Variants in TNXB observed in about 807,000 individuals in gnomAD.
The protein encoded by TNXB is tenascin XB, also known as tenascin-X.
TNXB carries 183 observed loss-of-function variants against 340.5 expected under a neutral mutation model. That is an observed-to-expected ratio of 0.54 (90% CI 0.48 to 0.61). The LOEUF is 0.61. TNXB is among the 20% of genes least tolerant of loss of function. The pLI is 0.00. For synonymous variants in TNXB, 2,121 were observed against 2,314.5 expected, an observed-to-expected ratio of 0.92 and a Z score of 2.40; for missense variants, 4,613 against 5,446.4, an observed-to-expected ratio of 0.85 and a Z score of 4.82.
Position 32,046,596 on chromosome 6 carries a change from C to A in TNXB, c.10325-140G>T, listed in dbSNP as rs1776903364. The A allele has an allele frequency of 1.5e-6, 1 of 669,432 alleles. No individual in the cohort carries two copies. Among genetic ancestry groups the A allele is most frequent in the East Asian group, 2.8e-5 (1 of 36,078 alleles). The allele number at this position is 669,432 out of a possible 1,614,324, so 41.5% of individuals were successfully genotyped here. A position where few individuals can be genotyped will look rare whatever the true frequency, so the allele number is the denominator to read the frequency against. On this transcript the variant is annotated intron_variant, in intron 30 of 43. Transcript: ENST00000644971. This position sits in a 1 kb window ranked among gnomAD's most constrained non-coding sequence, Gnocchi z 6.9. Reference sequence around the variant, plus strand: ...ACAGCTCCTTGAGGAGACACACAGGCCTGCTCCCGCCATGCCCCACAGGAA... The same window carrying A: ...ACAGCTCCTTGAGGAGACACACAGGACTGCTCCCGCCATGCCCCACAGGAA...
chr6:32,082,336 G>C lies in TNXB; in HGVS notation c.3446-10C>G. The C allele has an allele frequency of 6.3e-7, 1 of 1,581,358 alleles. No individual in the cohort carries two copies. The highest frequency in any genetic ancestry group is 8.6e-7 in the Non-Finnish European group (1 of 1,160,798). On this transcript the variant is annotated splice_polypyrimidine_tract_variant and intron_variant, in intron 8 of 43. Transcript: ENST00000644971. The surrounding 1 kb of genome is among the most constrained non-coding windows in gnomAD (Gnocchi z 5.0). ...GGGTCACTCTGAGGCACTAGGAAGA[G>C]TGGGTAGAGAGAAGGGAGAGACTTA...
chr6:32,088,904 G>A lies in TNXB; in HGVS notation c.2660C>T (p.Pro887Leu). ...CAGCAGCGTCCCGTCTGCTTCAGGGGGCACTTCCAGCCTCACCCTCTGGTT... is the reference window on the plus strand; with the variant it reads ...CAGCAGCGTCCCGTCTGCTTCAGGGAGCACTTCCAGCCTCACCCTCTGGTT... ...AGNQRVRLEV[P>L]PEADGTLLTD... Residue 887 changes from proline (P) to leucine (L), a missense_variant, in exon 6 of 44, where the codon CCC (proline) becomes CTC (leucine). Physicochemically the swap from Pro to Leu is moderately conservative, Grantham distance 98. Around this residue, in one of 7 missense-constraint regions of TNXB, gnomAD observed 4,327 missense variants for 4,859.4 expected, o/e 0.89. Transcript: ENST00000644971. The A allele has an allele frequency of 6.3e-7, 1 of 1,596,294 alleles. No individual in the cohort carries two copies. Among genetic ancestry groups the A allele is most frequent in the Non-Finnish European group, 8.5e-7 (1 of 1,171,694 alleles).
In TNXB at chr6:32,046,125, A is replaced by G; in HGVS notation, c.10606+50T>C. ...ATCTTTGTCTTCAGCCCAAATGCAC[A>G]AGGAAACCCACACAAGCTGGCTTGC... On this transcript the variant is annotated intron_variant, in intron 31 of 43. Coordinates refer to ENST00000644971, the MANE Select transcript of TNXB (RefSeq NM_001365276.2). This position sits in a 1 kb window ranked among gnomAD's most constrained non-coding sequence, Gnocchi z 6.9. The G allele has an allele frequency of 6.4e-7, 1 of 1,550,662 alleles. No individual in the cohort carries two copies. The highest frequency in any genetic ancestry group is 8.7e-7 in the Non-Finnish European group (1 of 1,144,386).
chr6:32,048,216 G>A (rs987777243), intron 29 of TNXB, 147 bp downstream of exon 29: 35 of 1,028,654 alleles, frequency 3.4e-5, no homozygotes, highest in Non-Finnish European at 4.7e-5. Flanking sequence ...GTGAGTGGGA[G>A]AGGAGAGCTC....
Position 32,098,092 on chromosome 6 carries a change from G to A in TNXB, c.107C>T (p.Ala36Val), listed in dbSNP as rs1445990247. ...FSSRSNVTLP[A>V]PRPPPQPGGH... ...CCCTGGCTGGGGAGGGGGCCGGGGG[G>A]CTGGCAGTGTCACATTGGACCGTGA... Residue 36 changes from alanine to valine, a missense_variant, in exon 2 of 44, where the codon GCC becomes GTC. Ala to Val is a moderately conservative substitution (Grantham distance 64). Around this residue, in one of 7 missense-constraint regions of TNXB, gnomAD observed 4,327 missense variants for 4,859.4 expected, o/e 0.89. Transcript: ENST00000644971. 1 of 1,604,922 alleles carries A rather than the reference G, an allele frequency of 6.2e-7. No homozygotes were observed. Among genetic ancestry groups the A allele is most frequent in the African/African-American group, 1.3e-5 (1 of 74,888 alleles).
In TNXB at chr6:32,096,202, C is replaced by T. The variant is rs1267438285; in HGVS notation, c.1651G>A (p.Gly551Arg). 6.4e-7 allele frequency: 1 copy of T among 1,567,728 alleles called. No individual in the cohort carries two copies. The highest frequency in any genetic ancestry group is 1.2e-5 in the South Asian group (1 of 85,816). The change falls in exon 3 of 44, where the codon GGG (glycine) becomes AGG (arginine). Residue 551 changes from glycine to arginine, a missense_variant. By Grantham distance (125) the Gly-to-Arg change is moderately radical (BLOSUM62 -2). Around this residue, in one of 7 missense-constraint regions of TNXB, gnomAD observed 4,327 missense variants for 4,859.4 expected, o/e 0.89. Transcript: ENST00000644971. ...GVCVCDAGYS[G>R]EDCSTRSCPG... The stretch of plus-strand genomic sequence containing the variant: ...CAGCTGCGCGTGCTGCAGTCTTCCC[C>T]TGAGTAGCCTGCGTCACACACGCAC...
rs1275891547 is a variant in TNXB at position 32,048,345 on chromosome 6, C to T, written c.10045+18G>A. The T allele has an allele frequency of 2.7e-6, 4 of 1,472,956 alleles. No homozygotes were observed. In the South Asian group the frequency reaches 6.1e-5, roughly 23 times the overall value. The allele number at this position is 1,472,956 out of a possible 1,614,324, so 91.2% of individuals were successfully genotyped here. ...GGGCGAAGGCTCTGGCCGCGGGAGG[C>T]CTCCAGCCCTCACTCACCGGTCCTG... On this transcript the variant is annotated intron_variant, in intron 29 of 43. Coordinates refer to ENST00000644971, the MANE Select transcript of TNXB (RefSeq NM_001365276.2).
chr6:32,090,867 C>G lies in TNXB; in HGVS notation c.2359-1488G>C, dbSNP rs1410192468. ...TCTCTGTGTGTGTGTATGTCTCTTT[C>G]TCTTTATCCACACCCACCCCATCCC... On this transcript the variant is annotated intron_variant, in intron 4 of 43. Transcript: ENST00000644971. This position sits in a 1 kb window ranked among gnomAD's most constrained non-coding sequence, Gnocchi z 4.3. 6.6e-6 allele frequency among the ~76,000 whole-genome samples: 1 copy of G among 152,130 alleles called. No homozygotes were observed. The highest frequency in any genetic ancestry group is 1.5e-5 in the Non-Finnish European group (1 of 68,016).
intron 21 of TNXB, among the ~76,000 whole-genome samples, chr6:32,060,329 T>C (rs1300522395): frequency 7.0e-6 from 1 of 142,962 alleles, no homozygotes; most frequent in Non-Finnish European, 1.5e-5. Flanking sequence ...CGAAACTTCA[T>C]CTCAAAAAAA....
At chr6:32,091,705 C>T (rs1371528187) in intron 4 of TNXB, among the ~76,000 whole-genome samples, 1 of 151,958 alleles carries the variant, frequency 6.6e-6, no homozygotes, top group Non-Finnish European at 1.5e-5. Context: ...AACTCCTGAC[C>T]TCAGATGATC....
intron 1 of TNXB, among the ~76,000 whole-genome samples, chr6:32,103,986 C>T (rs1382853273): frequency 6.6e-6 from 1 of 152,124 alleles, no homozygotes; most frequent in Admixed American, 6.5e-5. Context: ...CCACCTCGGC[C>T]TCCCAAAGTG....
chr6:32,068,912 CAG>C lies in TNXB; in HGVS notation c.5810_5811del (p.Ser1937TrpfsTer17). The C allele has an allele frequency of 6.2e-7, 1 of 1,612,804 alleles. No individual in the cohort carries two copies. The highest frequency in any genetic ancestry group is 8.5e-7 in the Non-Finnish European group (1 of 1,179,852). On this transcript the variant is annotated frameshift_variant, in exon 16 of 44. Coordinates refer to ENST00000644971, the MANE Select transcript of TNXB (RefSeq NM_001365276.2). LOFTEE classifies it high-confidence loss of function. This position sits in a 1 kb window ranked among gnomAD's most constrained non-coding sequence, Gnocchi z 5.3. ...AGGTATCTGTGGTCGGATTCCAGGC[CAG>C]AGAGGGTGATGTCATTCCGGTCACC... Reference protein sequence around the residue: ...IGGDRNDITLSGLESDHRYLV... With the variant: ...IGGDRNDITLXGLESDHRYLV...
chr6:32,084,464 C>T lies in TNXB; in HGVS notation c.3394G>A (p.Gly1132Arg), dbSNP rs1349938512. 3 of 1,603,566 alleles carry T rather than the reference C, an allele frequency of 1.9e-6. No homozygotes were observed. Among genetic ancestry groups the T allele is most frequent in the Non-Finnish European group, 2.6e-6 (3 of 1,175,348 alleles). Residue 1132 changes from glycine to arginine, a missense_variant, in exon 8 of 44, where the codon GGG (glycine) becomes AGG (arginine). Gly to Arg is a moderately radical substitution (Grantham distance 125). Coordinates refer to ENST00000644971, the MANE Select transcript of TNXB (RefSeq NM_001365276.2). The surrounding 1 kb of genome is among the most constrained non-coding windows in gnomAD (Gnocchi z 5.5). ...PGRKYKFVLY[G>R]FVGKKRHGPL... is the part of the protein sequence containing the mutation. Reference sequence around the variant, plus strand: ...CCATGCCTCTTCTTGCCAACAAACCCATACAGGACAAATTTGTACTTGCGG... The same window carrying T: ...CCATGCCTCTTCTTGCCAACAAACCTATACAGGACAAATTTGTACTTGCGG...
chr6:32,085,638 T>C lies in TNXB; in HGVS notation c.3148+112A>G. On this transcript the variant is annotated intron_variant, in intron 7 of 43. Transcript: ENST00000644971. The surrounding 1 kb of genome is among the most constrained non-coding windows in gnomAD (Gnocchi z 6.4). ...TTTCTCCTCTATCCAGCCCCAAACA[T>C]CAGCCCTGCCCTTCACTGGCCCCTC... The C allele has an allele frequency of 7.8e-7, 1 of 1,274,854 alleles. No individual in the cohort carries two copies. Among genetic ancestry groups the C allele is most frequent in the Non-Finnish European group, 1.0e-6 (1 of 967,244 alleles). The allele number at this position is 1,274,854 out of a possible 1,614,324, so 79.0% of individuals were successfully genotyped here.
chr6:32,050,452 T>A, intron 26 of TNXB, 131 bp from the exon 27 acceptor site: 1 of 1,198,448 alleles, frequency 8.3e-7, no homozygotes, highest in South Asian at 1.5e-5. Context: ...CAGCTCTTCA[T>A]CCTCTCCTCC....
Position 32,072,412 on chromosome 6 carries a change from TC to T in TNXB, c.4682-115del. 2.5e-6 allele frequency: 2 copies of T among 787,928 alleles called. No individual in the cohort carries two copies. The highest frequency in any genetic ancestry group is 3.7e-6 in the Non-Finnish European group (2 of 535,020). 48.8% of individuals were successfully genotyped at this position (787,928 alleles called of 1,614,324 possible). ...GATGGGGAATAGTTACACCTTTACT[TC>T]CAGACCTCTAACTGAAATGCAGCAT... On this transcript the variant is annotated intron_variant, in intron 12 of 43. Coordinates refer to ENST00000644971, the MANE Select transcript of TNXB (RefSeq NM_001365276.2). This position sits in a 1 kb window ranked among gnomAD's most constrained non-coding sequence, Gnocchi z 4.4.
At chr6:32,088,684 A>C (rs1388616310) in intron 6 of TNXB, 101 bp downstream of exon 6, 9 of 1,470,058 alleles carry the variant, frequency 6.1e-6, no homozygotes, top group Non-Finnish European at 8.2e-6. Flanking sequence ...CACCTGCCAG[A>C]AGCATTCAGA....
chr6:32,058,526 G>A lies in TNXB; in HGVS notation c.7493-136C>T, dbSNP rs1015582242. 7 of 731,404 alleles carry A rather than the reference G, an allele frequency of 9.6e-6. 1 individual carries two copies. The highest frequency in any genetic ancestry group is 2.7e-5 in the East Asian group (1 of 36,798). 45.3% of individuals were successfully genotyped at this position (731,404 alleles called of 1,614,324 possible). ...GGGCTGGGGCAGCTTTGTGTTCGCC[G>A]TTCAGTGACTCTTGGAATAAGAGCC... On this transcript the variant is annotated intron_variant, in intron 21 of 43. Coordinates refer to ENST00000644971, the MANE Select transcript of TNXB (RefSeq NM_001365276.2). This position sits in a 1 kb window ranked among gnomAD's most constrained non-coding sequence, Gnocchi z 5.1.
rs751729915 is a variant in TNXB at position 32,042,437 on chromosome 6, C to T, written c.12210+18G>A. ...ACCCTGCCCTGCACAGACCCCTGGG[C>T]TTCCCAATGCCACCCACCAGCCAGC... On this transcript the variant is annotated intron_variant, in intron 40 of 43. Coordinates refer to ENST00000644971, the MANE Select transcript of TNXB (RefSeq NM_001365276.2). 6.2e-7 allele frequency: 1 copy of T among 1,610,910 alleles called. No individual in the cohort carries two copies. Among genetic ancestry groups the T allele is most frequent in the East Asian group, 2.2e-5 (1 of 44,548 alleles).
Sources: gnomAD v4.1 joint callset for allele counts (sites outside exome capture counted in the v4.1 genomes callset) on GRCh38, gnomAD v4.1.1 for gene constraint, gnomAD v4.1.1 regional missense constraint, Gnocchi (gnomAD v3.1) non-coding constraint, MANE v1.5 for transcripts, NCBI Gene and HGNC (gene_info 2026-07-23, HGNC 2026-07-21) for gene names.